LINGO1: variants seen among roughly 807,000 people sequenced by gnomAD.
The protein encoded by LINGO1 is leucine-rich repeat and immunoglobulin-like domain-containing nogo receptor-interacting protein 1.
In LINGO1, 11 loss-of-function variants were observed where a neutral mutation model predicts 37.3. The observed-to-expected ratio is 0.29, with a 90% CI of 0.19 to 0.49. LINGO1 has a LOEUF of 0.49. LINGO1 is among the 20% of genes least tolerant of loss of function. The pLI, the probability that LINGO1 is intolerant of heterozygous loss-of-function variation, is 0.99. For missense variants in LINGO1, 585 were observed against 878.2 expected, an observed-to-expected ratio of 0.67 and a Z score of 4.22; for synonymous variants, 387 against 403.0, an observed-to-expected ratio of 0.96 and a Z score of 0.48.
chr15:77,806,673 C>T (rs527284921), intron 1 of LINGO1, among the ~76,000 whole-genome samples: 17 of 152,208 alleles, frequency 1.1e-4, no homozygotes, highest in Non-Finnish European at 2.1e-4. Context: ...ATGAACTGGA[C>T]GCCTGCTTCC....
intron 2 of LINGO1, among the ~76,000 whole-genome samples, chr15:77,721,909 C>A (rs919064193): frequency 6.6e-6 from 1 of 151,766 alleles, no homozygotes; most frequent in Admixed American, 6.6e-5. Flanking sequence ...TCTAACATGA[C>A]CCCCCAAAGC....
Position 77,756,428 on chromosome 15 carries a change from C to T in LINGO1, c.-256-21375G>A, listed in dbSNP as rs116029538. On this transcript the variant is annotated intron_variant, in intron 1 of 3. Coordinates refer to the LINGO1 transcript ENST00000561686. ...CACAACACACACAATGACACACACT[C>T]ACAAATGTGTTTATACATGGTTTCA... Among the ~76,000 whole-genome samples, 1,392 of 152,244 alleles carry T rather than the reference C, an allele frequency of 9.1e-3. 27 individuals are homozygous for T. Among genetic ancestry groups the T allele is most frequent in the African/African-American group, 0.032 (1,348 of 41,524 alleles).
intron 2 of LINGO1, among the ~76,000 whole-genome samples, chr15:77,679,445 T>G (rs1009181960): frequency 3.3e-5 from 5 of 152,186 alleles, no homozygotes; most frequent in African/African-American, 1.2e-4. Flanking sequence ...TGATGACGGT[T>G]GTGGAGGTGG....
intron 1 of LINGO1, among the ~76,000 whole-genome samples, chr15:77,763,536 A>G (rs765212478): frequency 2.2e-4 from 34 of 151,954 alleles, no homozygotes; most frequent in Non-Finnish European, 4.3e-4. Context: ...CTGACCCTCG[A>G]ATATGTCCCC....
chr15:77,703,148 CCTT>C (rs912426230), intron 2 of LINGO1, among the ~76,000 whole-genome samples: 4 of 152,220 alleles, frequency 2.6e-5, no homozygotes, highest in Non-Finnish European at 5.9e-5. Context: ...AGGGGCTACT[CCTT>C]CTTCATGTCA....
At chr15:77,636,134 C>T (rs752476867), upstream of LINGO1, among the ~76,000 whole-genome samples, 2 of 152,234 alleles carry the variant, frequency 1.3e-5, no homozygotes, top group South Asian at 2.1e-4. Flanking sequence ...ACTCTGTGCA[C>T]GAGTTAGAGC....
chr15:77,762,374 G>A (rs1247614474), intron 1 of LINGO1, among the ~76,000 whole-genome samples: 1 of 152,218 alleles, frequency 6.6e-6, no homozygotes, highest in Non-Finnish European at 1.5e-5. Flanking sequence ...AGAGGAGCAG[G>A]CCGTGGAGAG....
chr15:77,630,911 G>A (rs557943633), intron 1 of LINGO1, among the ~76,000 whole-genome samples: 13 of 152,138 alleles, frequency 8.5e-5, no homozygotes, highest in Admixed American at 2.6e-4. Flanking sequence ...CTCCCACCTC[G>A]GGCCACGGGT....
At chr15:77,739,627 C>G (rs943530435) in intron 1 of LINGO1, among the ~76,000 whole-genome samples, 3 of 152,218 alleles carry the variant, frequency 2.0e-5, no homozygotes, top group Non-Finnish European at 4.4e-5. Context: ...CTCCCAGGCC[C>G]CTGCCACTGT....
chr15:77,774,895 G>A (rs1478483642), intron 1 of LINGO1, among the ~76,000 whole-genome samples: 4 of 152,170 alleles, frequency 2.6e-5, no homozygotes, highest in African/African-American at 9.7e-5. Context: ...TCCCTCCACA[G>A]CCCTGCACCT....
chr15:77,641,958 G>A (rs1020435638), intron 3 of LINGO1: 1 of 456,682 alleles, frequency 2.2e-6, no homozygotes, highest in South Asian at 1.5e-5. Context: ...GTGGTCTTGG[G>A]TAAGTCACCT....
chr15:77,655,947 C>T (rs1388394837), intron 3 of LINGO1, among the ~76,000 whole-genome samples: 1 of 152,242 alleles, frequency 6.6e-6, no homozygotes, highest in African/African-American at 2.4e-5. Context: ...GTTCCACTGC[C>T]AAGCTACTAA....
chr15:77,772,808 A>T (rs2141406054), intron 1 of LINGO1, among the ~76,000 whole-genome samples: 1 of 152,324 alleles, frequency 6.6e-6, no homozygotes, highest in South Asian at 2.1e-4. Flanking sequence ...TGCCCCCAGC[A>T]GCCAAAAACA....
chr15:77,729,906 C>T (rs2076138856), intron 2 of LINGO1, among the ~76,000 whole-genome samples: 1 of 152,200 alleles, frequency 6.6e-6, no homozygotes, highest in Admixed American at 6.5e-5. Context: ...GAATTGTCTA[C>T]CTTGGTATCA....
intron 3 of LINGO1, among the ~76,000 whole-genome samples, chr15:77,645,597 T>C (rs1265699621): frequency 6.6e-6 from 1 of 152,216 alleles, no homozygotes; most frequent in Admixed American, 6.5e-5. Flanking sequence ...CATCCTCCCA[T>C]CCCTAGGCCA....
chr15:77,719,836 T>TCA (rs755798246), intron 2 of LINGO1, among the ~76,000 whole-genome samples: 1 of 147,950 alleles, frequency 6.8e-6, no homozygotes, highest in Non-Finnish European at 1.5e-5. Flanking sequence ...ACATATGTAC[T>TCA]CACACACACA....
At chr15:77,738,803 GGAA>G (rs1567555921) in intron 1 of LINGO1, among the ~76,000 whole-genome samples, 1 of 149,524 alleles carries the variant, frequency 6.7e-6, no homozygotes, top group Non-Finnish European at 1.5e-5. Context: ...AAGGAAGGAA[GGAA>G]GGAAGGAAAG....
chr15:77,718,555 C>T (rs1370267670), intron 2 of LINGO1, among the ~76,000 whole-genome samples: 2 of 151,034 alleles, frequency 1.3e-5, no homozygotes, highest in African/African-American at 2.4e-5. Flanking sequence ...CATGTCCACA[C>T]ACACGTCCAC....
intron 2 of LINGO1, among the ~76,000 whole-genome samples, chr15:77,726,301 A>G (rs918898462): frequency 2.0e-5 from 3 of 152,204 alleles, no homozygotes; most frequent in African/African-American, 4.8e-5. Flanking sequence ...GTGAGGAAGA[A>G]GCCTGCATCC....
Sources: allele counts gnomAD v4.1 joint callset (sites outside exome capture counted in the v4.1 genomes callset), GRCh38; gene constraint gnomAD v4.1.1; transcripts MANE v1.5; gene names NCBI Gene and HGNC (gene_info 2026-07-23, HGNC 2026-07-21).